Variants in GMDS observed in about 807,000 individuals in gnomAD.
GMDS encodes the protein GDP-mannose 4,6-dehydratase, also known as GDP-mannose 4,6 dehydratase.
In GMDS, 20 loss-of-function variants were observed where a neutral mutation model predicts 49.9. That is an observed-to-expected ratio of 0.40 (90% confidence interval 0.28 to 0.58). The LOEUF (loss-of-function observed/expected upper bound fraction) is 0.58, where lower values mean the gene tolerates loss of function less well. Ranked by LOEUF, GMDS falls within the 20% of genes least tolerant of loss-of-function variation. The probability of loss-of-function intolerance (pLI) is 0.42; values close to 1 mark genes in which losing one functional copy is unlikely to be tolerated. For synonymous variants in GMDS, 177 were observed against 178.6 expected, an observed-to-expected ratio of 0.99 and a Z score of 0.07; for missense variants, 362 against 481.4, an observed-to-expected ratio of 0.75 and a Z score of 2.32.
At chr6:2,165,554 G>A (rs1057097216) in intron 1 of GMDS, among the ~76,000 whole-genome samples, 1 of 152,214 alleles carries the variant, frequency 6.6e-6, no homozygotes, top group Non-Finnish European at 1.5e-5. Flanking sequence ...CAACACAAAT[G>A]TTAGCCTCAT....
At chr6:1,914,389 C>T (rs1223852205) in intron 7 of GMDS, among the ~76,000 whole-genome samples, 1 of 150,476 alleles carries the variant, frequency 6.6e-6, no homozygotes, top group Non-Finnish European at 1.5e-5. Context: ...ATGGCGTGAA[C>T]CCAGGAGGTG....
intron 1 of GMDS, among the ~76,000 whole-genome samples, chr6:2,198,877 A>G (rs1400732023): frequency 6.6e-6 from 1 of 152,150 alleles, no homozygotes; most frequent in African/African-American, 2.4e-5. Context: ...CTAAGACCAC[A>G]ATTGGTTAGA....
intron 4 of GMDS, among the ~76,000 whole-genome samples, chr6:1,983,695 A>C (rs760825875): frequency 1.3e-5 from 2 of 152,090 alleles, no homozygotes; most frequent in Admixed American, 6.5e-5. Context: ...CCAGTCCAAA[A>C]GGCTATTTAA....
intron 7 of GMDS, among the ~76,000 whole-genome samples, chr6:1,908,314 C>T (rs539454770): frequency 5.8e-4 from 89 of 152,308 alleles, no homozygotes; most frequent in African/African-American, 1.6e-3. Context: ...CGGTTGACTG[C>T]GGACAGGTGA....
chr6:1,977,935 C>T (rs1764999894), intron 4 of GMDS, among the ~76,000 whole-genome samples: 1 of 152,216 alleles, frequency 6.6e-6, no homozygotes, highest in South Asian at 2.1e-4. Context: ...GAGGTCTGCA[C>T]ATACCCTAGG....
At chr6:2,198,637 T>C (rs1779377965) in intron 1 of GMDS, among the ~76,000 whole-genome samples, 1 of 152,038 alleles carries the variant, frequency 6.6e-6, no homozygotes, top group Non-Finnish European at 1.5e-5. Context: ...AAAAATTTCA[T>C]TTTACTGCTA....
At chr6:1,882,625 A>C (rs1759416126) in intron 7 of GMDS, among the ~76,000 whole-genome samples, 1 of 152,238 alleles carries the variant, frequency 6.6e-6, no homozygotes, top group Non-Finnish European at 1.5e-5. Flanking sequence ...TCCAATCTTA[A>C]GAACTCAACG....
At chr6:2,243,767 A>T (rs1332297156) in intron 1 of GMDS, among the ~76,000 whole-genome samples, 1 of 151,272 alleles carries the variant, frequency 6.6e-6, no homozygotes, top group African/African-American at 2.4e-5. Context: ...AATAACCAGC[A>T]GTAAATCAGG....
chr6:1,763,815 A>G (rs1013717841), intron 7 of GMDS, among the ~76,000 whole-genome samples: 5 of 152,204 alleles, frequency 3.3e-5, no homozygotes, highest in African/African-American at 1.2e-4. Context: ...CTTTGCTAGG[A>G]CCACTAGTGA....
At chr6:1,709,447 C>G (rs928294105) in intron 9 of GMDS, among the ~76,000 whole-genome samples, 2 of 152,242 alleles carry the variant, frequency 1.3e-5, no homozygotes, top group Admixed American at 6.5e-5. Flanking sequence ...CCTCATCTGA[C>G]ATGACAACAG....
intron 4 of GMDS, among the ~76,000 whole-genome samples, chr6:2,015,966 A>G (rs907210365): frequency 2.6e-5 from 4 of 151,562 alleles, no homozygotes; most frequent in African/African-American, 9.7e-5. Context: ...GGCTAGATGT[A>G]GCAGCACAGG....
chr6:2,152,855 G>T (rs947261553), intron 1 of GMDS, among the ~76,000 whole-genome samples: 1 of 152,016 alleles, frequency 6.6e-6, no homozygotes, highest in Non-Finnish European at 1.5e-5. Flanking sequence ...CTATATCAGA[G>T]ATACCAATGA....
chr6:2,075,149 T>C (rs187195422), intron 4 of GMDS, among the ~76,000 whole-genome samples: 38 of 152,320 alleles, frequency 2.5e-4, no homozygotes, highest in Non-Finnish European at 1.5e-5. Flanking sequence ...AACATTAGAA[T>C]TATTTTTTCT....
At chr6:1,979,283 G>A (rs1051277348) in intron 4 of GMDS, among the ~76,000 whole-genome samples, 8 of 152,282 alleles carry the variant, frequency 5.3e-5, no homozygotes, top group African/African-American at 1.4e-4. Context: ...AACCCAAAGC[G>A]AAGAAGCTAA....
intron 9 of GMDS, among the ~76,000 whole-genome samples, chr6:1,676,784 A>G (rs1040353977): frequency 5.3e-5 from 8 of 152,238 alleles, no homozygotes; most frequent in African/African-American, 1.9e-4. Context: ...AATTAATTCA[A>G]GATGGATTAA....
In GMDS at chr6:2,223,174, T is replaced by C. The variant is rs28632070; in HGVS notation, c.102+22147A>G. ...CTATATATATATACACACATATATA[T>C]ATATCCATATCCATCCATCCCACTG... On this transcript the variant is annotated intron_variant, in intron 1 of 10. Transcript: ENST00000380815. 6.1e-3 allele frequency among the ~76,000 whole-genome samples: 921 copies of C among 152,166 alleles called. 8 individuals are homozygous for C. In the Middle Eastern group the frequency reaches 0.061, roughly 10 times the overall value.
intron 4 of GMDS, among the ~76,000 whole-genome samples, chr6:1,968,359 C>A (rs1038015191): frequency 3.2e-4 from 49 of 152,134 alleles, no homozygotes; most frequent in African/African-American, 1.2e-3. Context: ...AAAATGACCA[C>A]CAAAACTGAA....
chr6:1,726,450 G>C lies in GMDS; in HGVS notation c.953C>G (p.Thr318Ser). ...RCKETGKVHV[T>S]VDLKYYRPTE... ...TGGCCGGTAGTACTTGAGATCCACA[G>C]TCACGTGAACTTTGCCGGTCTCTTT... Residue 318 changes from threonine to serine, a missense_variant, in exon 9 of 11, where the codon ACT becomes AGT. By Grantham distance (58) the Thr-to-Ser change is moderately conservative. Transcript: ENST00000380815. The C allele has an allele frequency of 6.2e-7, 1 of 1,613,640 alleles. No homozygotes were observed. Among genetic ancestry groups the C allele is most frequent in the Non-Finnish European group, 8.5e-7 (1 of 1,179,464 alleles).
At chr6:1,708,237 C>T (rs1765809431) in intron 9 of GMDS, among the ~76,000 whole-genome samples, 1 of 152,178 alleles carries the variant, frequency 6.6e-6, no homozygotes, top group Non-Finnish European at 1.5e-5. Context: ...GGGTATATCT[C>T]AAAGGTAGGG....
Sources: allele counts gnomAD v4.1 joint callset (sites outside exome capture counted in the v4.1 genomes callset), GRCh38; gene constraint gnomAD v4.1.1; transcripts MANE v1.5; gene names NCBI Gene and HGNC (gene_info 2026-07-23, HGNC 2026-07-21).